The following ANKRD27 variants were observed in gnomAD, a reference collection of about 807,000 sequenced individuals.
ANKRD27 encodes ankyrin repeat domain-containing protein 27.
Under a neutral mutation model 129.7 loss-of-function variants are expected in ANKRD27, and 112 were observed. That is an observed-to-expected ratio of 0.86 (90% CI 0.74 to 1.01). ANKRD27 has a LOEUF of 1.01. Among genes scored for constraint, ANKRD27 ranks in the 50% least tolerant of loss-of-function variants. The pLI is 0.00. For missense variants in ANKRD27, 1,258 were observed against 1,300.5 expected (o/e 0.97, Z 0.50); for synonymous variants, 516 against 511.2 (o/e 1.01, Z -0.13).
intron 22 of ANKRD27, among the ~76,000 whole-genome samples, chr19:32,609,218 T>C (rs948449784): frequency 1.3e-5 from 2 of 152,066 alleles, no homozygotes; most frequent in African/African-American, 4.8e-5. Flanking sequence ...TTTGGAAAAC[T>C]GGCAGTTTCT....
intron 2 of ANKRD27, among the ~76,000 whole-genome samples, chr19:32,656,063 G>GAAAGAAAAGAAAGAAAAGAAAGA (rs1555747079): frequency 2.6e-5 from 1 of 38,092 alleles, no homozygotes; most frequent in African/African-American, 8.5e-5. Context: ...AGAAAGAAAA[G>GAAAGAAAAGAAAGAAAAGAAAGA]AAAGAAAGAA....
chr19:32,616,229 A>G (rs1240411381), intron 21 of ANKRD27, among the ~76,000 whole-genome samples: 1 of 152,076 alleles, frequency 6.6e-6, no homozygotes, highest in Non-Finnish European at 1.5e-5. Flanking sequence ...TAGGGCACTT[A>G]GTGAGCACCT....
At chr19:32,622,943 G>A (rs62124304) in intron 17 of ANKRD27, among the ~76,000 whole-genome samples, 1 of 144,876 alleles carries the variant, frequency 6.9e-6, no homozygotes, top group African/African-American at 2.7e-5. Context: ...ATGCCTGGAT[G>A]GTTTTTTTTT....
rs368580184 is a variant in ANKRD27 at position 32,625,939 on chromosome 19, C to T, written c.1564G>A (p.Ala522Thr). ...TTCCCATTGTTGTCCTGCACTTCCG[C>T]GCTGGCCTTGTAGTGCAGCAGCAGC... ...TLLLLHYKAS[A>T]EVQDNNGNTP... Residue 522 changes from alanine to threonine, a missense_variant, in exon 17 of 29, where the codon GCG (alanine) becomes ACG (threonine). By Grantham distance (58) the Ala-to-Thr change is moderately conservative. Transcript: ENST00000306065. The T allele has an allele frequency of 1.3e-5, 21 of 1,611,124 alleles. No homozygotes were observed. Among genetic ancestry groups the T allele is most frequent in the South Asian group, 3.3e-5 (3 of 90,340 alleles).
intron 2 of ANKRD27, among the ~76,000 whole-genome samples, chr19:32,650,229 T>TA (rs1405903351): frequency 3.9e-5 from 6 of 152,068 alleles, no homozygotes; most frequent in African/African-American, 9.7e-5. Context: ...AAAGGGAAGC[T>TA]AAAAAATCAC....
intron 2 of ANKRD27, 80 bp downstream of exon 2, chr19:32,658,834 C>A (rs1967592439): frequency 2.5e-6 from 3 of 1,198,600 alleles, no homozygotes; most frequent in Non-Finnish European, 3.7e-6. Context: ...ATAACAAACT[C>A]CCTCCAAACT....
intron 12 of ANKRD27, among the ~76,000 whole-genome samples, chr19:32,635,297 G>A (rs1026067537): frequency 2.0e-5 from 3 of 152,102 alleles, no homozygotes; most frequent in Non-Finnish European, 4.4e-5. Context: ...GAACCAGAGG[G>A]CAGGGCAAAA....
intron 18 of ANKRD27, among the ~76,000 whole-genome samples, chr19:32,620,321 G>A (rs891308253): frequency 2.6e-5 from 4 of 151,890 alleles, no homozygotes; most frequent in African/African-American, 9.7e-5. Flanking sequence ...CACTTTGGGA[G>A]GCCTAGGTGG....
chr19:32,652,453 C>T (rs544187651), intron 2 of ANKRD27, among the ~76,000 whole-genome samples: 4 of 151,882 alleles, frequency 2.6e-5, no homozygotes, highest in Admixed American at 6.6e-5. Context: ...ATTAGCCAGG[C>T]GCGGTGGCAA....
At position 32,597,254 on chromosome 19, in the gene ANKRD27, T is replaced by C. The variant is rs564530837; in HGVS notation, c.*891A>G. ...AACATAAAAATAACAGTATAATCTA[T>C]AGAAATTTATAAAAAGGAATAAATG... is the stretch of plus-strand genomic sequence containing the variant. On this transcript the variant is annotated 3_prime_UTR_variant, in exon 29 of 29. Coordinates refer to ENST00000306065, the MANE Select transcript of ANKRD27 (RefSeq NM_032139.3). 2.6e-5 allele frequency: 4 copies of C among 152,716 alleles called. No individual in the cohort carries two copies. In the South Asian group the frequency reaches 8.3e-4, roughly 32 times the overall value. The allele number at this position is 152,716 out of a possible 1,614,324, so 9.5% of individuals were successfully genotyped here.
chr19:32,608,079 C>T (rs1223100143), intron 22 of ANKRD27, among the ~76,000 whole-genome samples: 2 of 151,792 alleles, frequency 1.3e-5, no homozygotes, highest in Admixed American at 6.6e-5. Flanking sequence ...TCATGGCTCA[C>T]TACAGCCTCG....
chr19:32,618,563 C>A (rs1434652570), intron 20 of ANKRD27, among the ~76,000 whole-genome samples: 2 of 151,978 alleles, frequency 1.3e-5, no homozygotes, highest in Admixed American at 6.6e-5. Flanking sequence ...CTCCGTTAGA[C>A]TCTGGACCAT....
rs35422369 is a variant in ANKRD27, at chr19:32,641,764, C to CTTTTTTTTTTTTT, written c.904+259_904+260insAAAAAAAAAAAAA. ...TTTCTTGACTTGTTTTCTTTTACTTCTTCTTTTTTTTTTTTTTTTTTGAGA... is the reference window on the plus strand; with the variant it reads ...TTTCTTGACTTGTTTTCTTTTACTTCTTTTTTTTTTTTTTTCTTTTTTTTTTTTTTTTTTGAGA... On this transcript the variant is annotated intron_variant, in intron 10 of 28. Transcript: ENST00000306065. Among the ~76,000 whole-genome samples the CTTTTTTTTTTTTT allele has an allele frequency of 5.0e-5, 4 of 79,726 alleles. 2 individuals are homozygous for CTTTTTTTTTTTTT. Among genetic ancestry groups the CTTTTTTTTTTTTT allele is most frequent in the African/African-American group, 1.4e-4 (2 of 14,170 alleles). 52.3% of individuals were successfully genotyped at this position (79,726 alleles called of 152,430 possible).
intron 12 of ANKRD27, among the ~76,000 whole-genome samples, chr19:32,634,505 G>C (rs957553036): frequency 2.0e-5 from 3 of 152,208 alleles, no homozygotes; most frequent in Non-Finnish European, 4.4e-5. Flanking sequence ...GACAACAAGA[G>C]GGGTGCCTTG....
At chr19:32,641,879 C>G in intron 10 of ANKRD27, 145 bp downstream of exon 10, 1 of 924,314 alleles carries the variant, frequency 1.1e-6, no homozygotes, top group Non-Finnish European at 1.5e-6. Context: ...GTGATCCTCC[C>G]ACCTTGGCCT....
At chr19:32,623,980 A>G (rs1236796339) in intron 17 of ANKRD27, among the ~76,000 whole-genome samples, 1 of 152,150 alleles carries the variant, frequency 6.6e-6, no homozygotes, top group African/African-American at 2.4e-5. Context: ...CTATATGCTG[A>G]GTTCTGTAAG....
At chr19:32,659,561 C>T (rs1041776830) in intron 1 of ANKRD27, among the ~76,000 whole-genome samples, 56 of 152,304 alleles carry the variant, frequency 3.7e-4, no homozygotes, top group African/African-American at 1.3e-3. Flanking sequence ...AACTCCAAGT[C>T]TTGGCTAAAG....
chr19:32,667,832 C>CAAAAAAAAAA lies in ANKRD27; in HGVS notation c.-31+7229_-31+7238dup, dbSNP rs10667176. Reference sequence around the variant, plus strand: ...GGGCGACAAGAGTGAAACTCCGTCTCAAAAAAAAAAAAAAAAGTCATTAGA... The same window carrying CAAAAAAAAAA: ...GGGCGACAAGAGTGAAACTCCGTCTCAAAAAAAAAAAAAAAAAAAAAAAAAAGTCATTAGA... On this transcript the variant is annotated intron_variant, in intron 1 of 28. Coordinates refer to ENST00000306065, the MANE Select transcript of ANKRD27 (RefSeq NM_032139.3). Among the ~76,000 whole-genome samples, 2 of 134,916 alleles carry CAAAAAAAAAA rather than the reference C, an allele frequency of 1.5e-5. 1 individual carries two copies. Among genetic ancestry groups the CAAAAAAAAAA allele is most frequent in the Non-Finnish European group, 3.2e-5 (2 of 63,484 alleles). 88.5% of individuals were successfully genotyped at this position (134,916 alleles called of 152,430 possible).
intron 16 of ANKRD27, among the ~76,000 whole-genome samples, 174 bp from the exon 17 acceptor site, chr19:32,626,140 C>T (rs1440764464): frequency 6.6e-6 from 1 of 152,182 alleles, no homozygotes; most frequent in African/African-American, 2.4e-5. Context: ...AGAAAAAAGT[C>T]TAAAGCCCCA....
Sources: allele counts gnomAD v4.1 joint callset (sites outside exome capture counted in the v4.1 genomes callset), GRCh38; gene constraint gnomAD v4.1.1; transcripts MANE v1.5; gene names NCBI Gene and HGNC (gene_info 2026-07-23, HGNC 2026-07-21).